Variants in MAST4 observed in about 807,000 individuals in gnomAD.
MAST4 encodes the protein microtubule associated serine/threonine kinase family member 4.
In MAST4, 89 loss-of-function variants were observed where a neutral mutation model predicts 162.7. That is an observed-to-expected ratio of 0.55 (90% CI 0.46 to 0.65). MAST4 has a LOEUF of 0.65. Ranked by LOEUF, MAST4 falls within the 30% of genes least tolerant of loss-of-function variation. The pLI, the probability that MAST4 is intolerant of heterozygous loss-of-function variation, is 0.00. For missense variants in MAST4, 3,153 were observed against 3,374.0 expected (o/e 0.93, Z 1.62); for synonymous variants, 1,479 against 1,361.1 (o/e 1.09, Z -1.91).
intron 3 of MAST4, among the ~76,000 whole-genome samples, chr5:66,813,382 A>G (rs1009227316): frequency 7.6e-4 from 115 of 152,298 alleles, no homozygotes; most frequent in African/African-American, 2.5e-3. Flanking sequence ...AGACAAGTGT[A>G]TTTTTCCCTC....
At chr5:66,773,116 C>A (rs1233879108) in intron 2 of MAST4, among the ~76,000 whole-genome samples, 3 of 152,168 alleles carry the variant, frequency 2.0e-5, no homozygotes, top group African/African-American at 7.2e-5. Flanking sequence ...GTTTTTTTAA[C>A]TTCCCAGTTG....
Position 67,168,517 on chromosome 5 carries a change from T to A in MAST4, c.*1466T>A, listed in dbSNP as rs1188133909. On this transcript the variant is annotated 3_prime_UTR_variant, in exon 29 of 29. Transcript: ENST00000403625. Reference sequence around the variant, plus strand: ...AAGGTTTTTGATTTCTTGTTTTTGTTTCTGTTGTTGCAGTTTCTTTGGTGG... The same window carrying A: ...AAGGTTTTTGATTTCTTGTTTTTGTATCTGTTGTTGCAGTTTCTTTGGTGG... The A allele has an allele frequency of 6.6e-6, 1 of 152,242 alleles. No homozygotes were observed. The highest frequency in any genetic ancestry group is 1.5e-5 in the Non-Finnish European group (1 of 68,044). The allele number at this position is 152,242 out of a possible 1,614,324, so 9.4% of individuals were successfully genotyped here. A position where few individuals can be genotyped will look rare whatever the true frequency, so the allele number is the denominator to read the frequency against.
chr5:66,696,645 G>C (rs972957291), intron 1 of MAST4, among the ~76,000 whole-genome samples: 1 of 152,146 alleles, frequency 6.6e-6, no homozygotes, highest in Non-Finnish European at 1.5e-5. Flanking sequence ...CATACTCTAT[G>C]CTAGCAATTG....
chr5:67,160,499 C>T lies in MAST4; in HGVS notation c.3692C>T (p.Thr1231Ile). ...VSITTTPFEN[T>I]SIKTGPARRN... ...ATCACTACTACCCCATTTGAAAACA[C>T]ATCAATCAAAACTGGACCAGCCAGG... is the stretch of plus-strand genomic sequence containing the variant. Residue 1231 changes from threonine to isoleucine, a missense_variant, in exon 27 of 29, where the codon ACA (threonine) becomes ATA (isoleucine). Physicochemically the swap from Thr to Ile is moderately conservative, Grantham distance 89. This residue lies in a region of MAST4 where 619 missense variants were observed against 744.2 expected (regional missense o/e 0.83). Transcript: ENST00000403625. The T allele has an allele frequency of 6.2e-7, 1 of 1,613,868 alleles. No homozygotes were observed. Among genetic ancestry groups the T allele is most frequent in the Non-Finnish European group, 8.5e-7 (1 of 1,179,838 alleles).
intron 3 of MAST4, among the ~76,000 whole-genome samples, chr5:66,830,249 T>C (rs1471981506): frequency 2.0e-5 from 3 of 152,218 alleles, no homozygotes; most frequent in Non-Finnish European, 4.4e-5. Flanking sequence ...AAAATGTTTT[T>C]CAGAAGAAAT....
At chr5:66,839,969 T>G in intron 3 of MAST4, among the ~76,000 whole-genome samples, 1 of 152,116 alleles carries the variant, frequency 6.6e-6, no homozygotes, top group Non-Finnish European at 1.5e-5. Context: ...TTGACAATTT[T>G]TTTTTTTAAA....
chr5:66,847,864 C>T (rs887191959), intron 3 of MAST4, among the ~76,000 whole-genome samples: 48 of 134,586 alleles, frequency 3.6e-4, no homozygotes, highest in Non-Finnish European at 6.5e-4. Context: ...AACAGTAGCT[C>T]AAAGCTACAC....
chr5:67,095,096 C>T (rs1055969120), intron 6 of MAST4, among the ~76,000 whole-genome samples: 1 of 152,168 alleles, frequency 6.6e-6, no homozygotes, highest in Admixed American at 6.5e-5. Flanking sequence ...AGCCATGAGC[C>T]TAATGATCCC....
At chr5:67,068,449 C>T (rs1222260237) in intron 5 of MAST4, among the ~76,000 whole-genome samples, 2 of 152,034 alleles carry the variant, frequency 1.3e-5, no homozygotes, top group Admixed American at 6.5e-5. Context: ...ATTATAAGGC[C>T]GTCAGATCTT....
At position 66,695,298 on chromosome 5, in the gene MAST4, C is replaced by T. The variant is rs147048630; in HGVS notation, c.364-64411C>T. ...TCCTTTCCCCATTGCTTGTTTTTGTCAGGTTTGCCGAAGATCGGATGGTTG... is the reference window on the plus strand; with the variant it reads ...TCCTTTCCCCATTGCTTGTTTTTGTTAGGTTTGCCGAAGATCGGATGGTTG... On this transcript the variant is annotated intron_variant, in intron 1 of 28. Coordinates refer to ENST00000403625, the MANE Select transcript of MAST4 (RefSeq NM_001164664.2). 5.7e-3 allele frequency among the ~76,000 whole-genome samples: 871 copies of T among 152,262 alleles called. 13 individuals are homozygous for T. The highest frequency in any genetic ancestry group is 0.02 in the African/African-American group (827 of 41,546).
rs774912963 is a variant in MAST4, at chr5:67,160,426, C to T, written c.3649-30C>T. 3 of 1,591,578 alleles carry T rather than the reference C, an allele frequency of 1.9e-6. No homozygotes were observed. In the South Asian group the frequency reaches 3.5e-5, roughly 18 times the overall value. ...CTGATCTTGCTTCATCACAGCATTT[C>T]CCTTTAATGCCACCTCATCTTTTCT... On this transcript the variant is annotated intron_variant, in intron 26 of 28. Transcript: ENST00000403625.
intron 1 of MAST4, among the ~76,000 whole-genome samples, chr5:66,619,000 C>T (rs1489075968): frequency 1.3e-5 from 2 of 152,150 alleles, no homozygotes; most frequent in African/African-American, 2.4e-5. Flanking sequence ...TGGCAACGCA[C>T]TAAATGCTGG....
intron 3 of MAST4, among the ~76,000 whole-genome samples, chr5:66,822,969 C>G (rs535243754): frequency 2.7e-4 from 41 of 152,232 alleles, no homozygotes; most frequent in South Asian, 1.5e-3. Context: ...GAATTATAAT[C>G]TTCATAATCC....
At position 67,166,827 on chromosome 5, in the gene MAST4, GCT is replaced by G. The variant is rs747432200; in HGVS notation, c.7654_7655del (p.Ser2552GlyfsTer22). On this transcript the variant is annotated frameshift_variant, in exon 29 of 29. Coordinates refer to ENST00000403625, the MANE Select transcript of MAST4 (RefSeq NM_001164664.2). LOFTEE classifies it low-confidence loss of function (END_TRUNC). ...GGGCGGGGCCAGCCACCGGGACAGGGCTCTCTCGGTGACTGCCACCGTAGGGG... is the reference window on the plus strand; with the variant it reads ...GGGCGGGGCCAGCCACCGGGACAGGGCTCTCGGTGACTGCCACCGTAGGGG... Reference protein sequence around the residue: ...TMGGASHRDRALSVTATVGET... With the variant: ...TMGGASHRDRXLSVTATVGET... 8 of 1,604,430 alleles carry G rather than the reference GCT, an allele frequency of 5.0e-6. No individual in the cohort carries two copies. The highest frequency in any genetic ancestry group is 6.8e-6 in the Non-Finnish European group (8 of 1,175,980).
chr5:66,906,131 T>C (rs1023011677), intron 4 of MAST4, among the ~76,000 whole-genome samples: 1 of 152,322 alleles, frequency 6.6e-6, no homozygotes, highest in Non-Finnish European at 1.5e-5. Context: ...TAGAGTCACA[T>C]TGGAATTTGG....
chr5:66,839,214 A>T (rs1758248539), intron 3 of MAST4, among the ~76,000 whole-genome samples: 1 of 152,098 alleles, frequency 6.6e-6, no homozygotes, highest in Non-Finnish European at 1.5e-5. Context: ...GATAAATGTG[A>T]CTTGGATGCT....
chr5:66,613,058 GTA>G (rs1743398650), intron 1 of MAST4, among the ~76,000 whole-genome samples: 1 of 152,046 alleles, frequency 6.6e-6, no homozygotes, highest in Admixed American at 6.5e-5. Flanking sequence ...ATCTTGCTAG[GTA>G]ATTAAACAAT....
At chr5:66,663,066 CCT>C in intron 1 of MAST4, 1 of 152,242 alleles carries the variant, frequency 6.6e-6, no homozygotes, top group Non-Finnish European at 1.5e-5. Context: ...GTCTTGAACT[CCT>C]GACCTCAGGT....
chr5:66,771,175 T>G lies in MAST4; in HGVS notation c.517+11313T>G, dbSNP rs1248827598. On this transcript the variant is annotated intron_variant, in intron 2 of 28. Transcript: ENST00000403625. ...GTTGTATGTGTGTAAATATATTTCT[T>G]TCTTTTCTTTCTTTTTTTTTTTTAT... Among the ~76,000 whole-genome samples, 6 of 151,350 alleles carry G rather than the reference T, an allele frequency of 4.0e-5. No individual in the cohort carries two copies. In the East Asian group the frequency reaches 1.2e-3, roughly 29 times the overall value.
Sources: gnomAD v4.1 joint callset for allele counts (sites outside exome capture counted in the v4.1 genomes callset) on GRCh38, gnomAD v4.1.1 for gene constraint, gnomAD v4.1.1 regional missense constraint, MANE v1.5 for transcripts, NCBI Gene and HGNC (gene_info 2026-07-23, HGNC 2026-07-21) for gene names.